Variants in PAQR3 observed in about 807,000 individuals in gnomAD.
PAQR3 encodes the protein Raf kinase trapping to Golgi.
In PAQR3, 39 loss-of-function variants were observed where a neutral mutation model predicts 41.7. That is an observed-to-expected ratio of 0.93 (90% CI 0.72 to 1.22). The LOEUF (loss-of-function observed/expected upper bound fraction) is 1.22, where lower values mean the gene tolerates loss of function less well. PAQR3 is among the 50% of genes most tolerant of loss of function. The probability of loss-of-function intolerance (pLI) is 0.00; values close to 1 mark genes in which losing one functional copy is unlikely to be tolerated. For synonymous variants in PAQR3, 140 were observed against 140.6 expected, an observed-to-expected ratio of 1.00 and a Z score of 0.03; for missense variants, 366 against 385.6, an observed-to-expected ratio of 0.95 and a Z score of 0.42.
At chr4:78,907,168 T>C (rs931672480), downstream of PAQR3, among the ~76,000 whole-genome samples, 1 of 152,200 alleles carries the variant, frequency 6.6e-6, no homozygotes, top group African/African-American at 2.4e-5. Flanking sequence ...AATAATAGAC[T>C]GTTGATACCT....
Position 78,932,018 on chromosome 4 carries a change from G to C in PAQR3, c.349-1693C>G, listed in dbSNP as rs77283736. On this transcript the variant is annotated intron_variant, in intron 2 of 5. Transcript: ENST00000512733. Reference sequence around the variant, plus strand: ...ACTGAGACAGTGACAGTGGGGTGGAGGCAATGGGACAAATAAACAGTATAA... The same window carrying C: ...ACTGAGACAGTGACAGTGGGGTGGACGCAATGGGACAAATAAACAGTATAA... Among the ~76,000 whole-genome samples the C allele has an allele frequency of 5.6e-3, 848 of 152,252 alleles. 10 individuals are homozygous for C. The highest frequency in any genetic ancestry group is 0.019 in the African/African-American group (801 of 41,536).
intron 11 of PAQR3, among the ~76,000 whole-genome samples, chr4:78,893,550 T>C (rs376203693): frequency 1.4e-4 from 22 of 152,354 alleles, no homozygotes; most frequent in African/African-American, 4.8e-4. Context: ...TATAACCTTA[T>C]GAAATGTATT....
chr4:78,908,440 GT>G (rs1285279814), downstream of PAQR3, among the ~76,000 whole-genome samples: 16 of 152,106 alleles, frequency 1.1e-4, no homozygotes, highest in African/African-American at 3.9e-4. Context: ...TTTGTAGTTT[GT>G]TTTGTATGTT....
At chr4:78,896,495 A>G (rs1560551595) in intron 11 of PAQR3, among the ~76,000 whole-genome samples, 3 of 152,166 alleles carry the variant, frequency 2.0e-5, no homozygotes, top group African/African-American at 2.4e-5. Context: ...ATAGTCCATA[A>G]CATGTGACTC....
In PAQR3 at chr4:78,930,159, C is replaced by T; in HGVS notation, c.504+11G>A. ...TGAAAGGTCGAATGTAAAATGTTTT[C>T]ATCTACTTACGTTATTACAATAAAA... On this transcript the variant is annotated intron_variant, in intron 3 of 5. Transcript: ENST00000512733. The T allele has an allele frequency of 6.3e-7, 1 of 1,589,852 alleles. No individual in the cohort carries two copies. The highest frequency in any genetic ancestry group is 1.8e-5 in the Admixed American group (1 of 54,428).
At chr4:78,903,555 ATT>A (rs1345881727) in intron 11 of PAQR3, among the ~76,000 whole-genome samples, 1 of 151,866 alleles carries the variant, frequency 6.6e-6, no homozygotes, top group East Asian at 1.9e-4. Context: ...GGTAAGTTCT[ATT>A]ATTGTCTCTA....
At chr4:78,888,381 T>A (rs1003913949) in intron 11 of PAQR3, among the ~76,000 whole-genome samples, 5 of 152,188 alleles carry the variant, frequency 3.3e-5, no homozygotes, top group Admixed American at 6.5e-5. Flanking sequence ...TATTACTGTC[T>A]AAAATTATAA....
At chr4:78,906,680 C>T (rs1017732893) in intron 10 of PAQR3, among the ~76,000 whole-genome samples, 2 of 152,134 alleles carry the variant, frequency 1.3e-5, no homozygotes, top group African/African-American at 2.4e-5. Flanking sequence ...CTTCTCCCTA[C>T]ACTTCTCCCT....
chr4:78,939,067 T>C lies in PAQR3; in HGVS notation c.158A>G (p.Tyr53Cys), dbSNP rs781361447. The C allele has an allele frequency of 6.2e-7, 1 of 1,610,010 alleles. No individual in the cohort carries two copies. The highest frequency in any genetic ancestry group is 8.5e-7 in the Non-Finnish European group (1 of 1,177,086). Residue 53 changes from tyrosine (Y) to cysteine (C), a missense_variant, in exon 1 of 6, where the codon TAC becomes TGC. Physicochemically the swap from Tyr to Cys is radical, Grantham distance 194 (BLOSUM62 -2). Coordinates refer to ENST00000512733, the MANE Select transcript of PAQR3 (RefSeq NM_001040202.2). ...TTTGATACACAGCCTGGACGGCAGG[T>C]AGGCCCGGTAGCCGTCGGTGATGTA... ...NPYITDGYRA[Y>C]LPSRLCIKSL...
downstream of PAQR3, chr4:78,910,929 GGAA>G (rs1378463751): frequency 6.2e-7 from 1 of 1,613,668 alleles, no homozygotes; most frequent in Non-Finnish European, 8.5e-7. Flanking sequence ...CTGAAGATGA[GGAA>G]GAAGAGGAGA....
Position 78,889,955 on chromosome 4 carries a change from C to T in PAQR3, c.*837-1807G>A, listed in dbSNP as rs17003482. Among the ~76,000 whole-genome samples, 362 of 152,278 alleles carry T rather than the reference C, an allele frequency of 2.4e-3. 5 individuals carry two copies. The highest frequency in any genetic ancestry group is 8.2e-3 in the African/African-American group (340 of 41,556). ...TCATTTAAGAACCACTGTCCTGAAT[C>T]TAGTGTTCCTTACACTGGTTTTATT... On this transcript the variant is annotated intron_variant and NMD_transcript_variant, in intron 11 of 12. Coordinates refer to the PAQR3 transcript ENST00000342820.
At chr4:78,892,752 C>T (rs146215458) in intron 11 of PAQR3, among the ~76,000 whole-genome samples, 1,926 of 152,134 alleles carry the variant, frequency 0.013, 18 homozygotes, top group African/African-American at 0.017. Context: ...GTTACATTTA[C>T]GCTATGCTGT....
intron 11 of PAQR3, among the ~76,000 whole-genome samples, chr4:78,890,993 G>A (rs1412529974): frequency 6.6e-6 from 1 of 152,148 alleles, no homozygotes; most frequent in East Asian, 1.9e-4. Context: ...GAGGCCAAGA[G>A]TTTAAGACCA....
intron 5 of PAQR3, chr4:78,922,509 C>G: frequency 9.1e-7 from 1 of 1,098,838 alleles, no homozygotes; most frequent in South Asian, 1.3e-5. Context: ...AAAAAAACAT[C>G]AGTTTTATGT....
intron 11 of PAQR3, chr4:78,899,104 A>G (rs1733864075): frequency 6.6e-6 from 1 of 152,184 alleles, no homozygotes; most frequent in Non-Finnish European, 1.5e-5. Context: ...GATCATGCCT[A>G]TGAATAGCCA....
At chr4:78,921,642 C>T in intron 5 of PAQR3, 8 of 973,108 alleles carry the variant, frequency 8.2e-6, no homozygotes, top group Non-Finnish European at 9.8e-6. Flanking sequence ...ACCTTGGGGA[C>T]CCTTGGACCC....
At chr4:78,920,798 G>T in intron 5 of PAQR3, 117 bp from the exon 6 acceptor site, 1 of 1,102,992 alleles carries the variant, frequency 9.1e-7, no homozygotes, top group Non-Finnish European at 1.2e-6. Flanking sequence ...AGAGTGCCTA[G>T]AGACTAACTG....
In PAQR3 at chr4:78,918,066, G is replaced by C; in HGVS notation, c.*2473C>G. The C allele has an allele frequency of 4.1e-6, 4 of 978,264 alleles. No individual in the cohort carries two copies. Among genetic ancestry groups the C allele is most frequent in the Non-Finnish European group, 4.9e-6 (4 of 823,256 alleles). The allele number at this position is 978,264 out of a possible 1,614,324, so 60.6% of individuals were successfully genotyped here. A position where few individuals can be genotyped will look rare whatever the true frequency, so the allele number is the denominator to read the frequency against. On this transcript the variant is annotated 3_prime_UTR_variant, in exon 6 of 6. Transcript: ENST00000512733. ...ATTTGAAAATGGCTTAATATAGAAA[G>C]ATAATTGTTTCTTAAATGAGTTAAC...
At chr4:78,909,642 A>G (rs1411267395), downstream of PAQR3, among the ~76,000 whole-genome samples, 1 of 152,040 alleles carries the variant, frequency 6.6e-6, no homozygotes, top group Non-Finnish European at 1.5e-5. Context: ...TATCCTTTGC[A>G]TGGCTGGGCT....
Sources: allele counts gnomAD v4.1 joint callset (sites outside exome capture counted in the v4.1 genomes callset), GRCh38; gene constraint gnomAD v4.1.1; transcripts MANE v1.5; gene names NCBI Gene and HGNC (gene_info 2026-07-23, HGNC 2026-07-21).